KLF8: variants seen among roughly 807,000 people sequenced by gnomAD.
The protein encoded by KLF8 is Krueppel-like factor 8.
In KLF8, 10 loss-of-function variants were observed where a neutral mutation model predicts 18.2. The observed-to-expected ratio is 0.55, with a 90% CI of 0.34 to 0.93. The LOEUF (loss-of-function observed/expected upper bound fraction) is 0.93. KLF8 is among the 40% of genes least tolerant of loss of function. KLF8 has a pLI of 0.02. For missense variants in KLF8, 264 were observed against 277.9 expected, an observed-to-expected ratio of 0.95 and a Z score of 0.36; for synonymous variants, 109 against 97.3, an observed-to-expected ratio of 1.12 and a Z score of -0.71.
chrX:56,168,726 C>A, the KLF8 span, among the ~76,000 whole-genome samples: 1 of 107,019 alleles, frequency 9.3e-6, no homozygotes, highest in Non-Finnish European at 1.9e-5. Context: ...CAATTCCCAC[C>A]TATGAGTGAG....
chrX:55,952,840 G>A, the KLF8 span, among the ~76,000 whole-genome samples: 1 of 111,558 alleles, frequency 9.0e-6, no homozygotes. Flanking sequence ...TTTATTGTGG[G>A]CCAGGCCCTG....
the KLF8 span, among the ~76,000 whole-genome samples, chrX:55,963,918 T>C: frequency 8.9e-6 from 1 of 111,901 alleles, no homozygotes; most frequent in African/African-American, 3.2e-5. Flanking sequence ...AATTATTCCA[T>C]CTACACTTTT....
At chrX:56,103,325 G>T in the KLF8 span, among the ~76,000 whole-genome samples, 1 of 111,428 alleles carries the variant, frequency 9.0e-6, no homozygotes, top group Non-Finnish European at 1.9e-5. Context: ...TCACGATACT[G>T]ATTCTGCCTA....
chrX:56,008,004 A>C, the KLF8 span, among the ~76,000 whole-genome samples: 10 of 110,415 alleles, frequency 9.1e-5, no homozygotes, highest in Non-Finnish European at 1.9e-4. Context: ...AAGATATTTC[A>C]GTGAGCCTAG....
At chrX:56,153,973 A>G in the KLF8 span, among the ~76,000 whole-genome samples, 1 of 111,780 alleles carries the variant, frequency 8.9e-6, no homozygotes, top group African/African-American at 3.3e-5. Context: ...CATGAGTAGG[A>G]AGAATCAATA....
chrX:56,148,347 A>C, the KLF8 span, among the ~76,000 whole-genome samples: 1 of 111,427 alleles, frequency 9.0e-6, no homozygotes, highest in Non-Finnish European at 1.9e-5. Flanking sequence ...GAACTCATTA[A>C]CCAACTCTAC....
At chrX:56,004,907 G>T in the KLF8 span, among the ~76,000 whole-genome samples, 15 of 111,329 alleles carry the variant, frequency 1.3e-4, no homozygotes, top group African/African-American at 4.9e-4. Context: ...GGAGATTTCC[G>T]TGGGAATATA....
chrX:55,936,597 C>T, the KLF8 span, among the ~76,000 whole-genome samples: 1,603 of 112,714 alleles, frequency 0.014, 11 homozygotes, highest in African/African-American at 0.016. Flanking sequence ...ACGCAGGAAA[C>T]GCAAGGGGTC....
intron 2 of KLF8, 45 bp downstream of exon 2, chrX:56,250,349 T>G (rs778572916): frequency 1.1e-6 from 1 of 902,482 alleles, no homozygotes; most frequent in East Asian, 3.1e-5. Context: ...GCCATAATAG[T>G]ATTGAATACC....
At chrX:56,277,065 C>T (rs1231373893) in intron 5 of KLF8, among the ~76,000 whole-genome samples, 2 of 111,681 alleles carry the variant, frequency 1.8e-5, no homozygotes, top group African/African-American at 3.3e-5. Flanking sequence ...TGAATTCCTT[C>T]TCTGTATTAT....
the KLF8 span, among the ~76,000 whole-genome samples, chrX:55,946,825 A>G: frequency 8.9e-6 from 1 of 111,737 alleles, no homozygotes; most frequent in African/African-American, 3.3e-5. Flanking sequence ...AAGTGGGCAA[A>G]GGACATGAAC....
upstream of KLF8, among the ~76,000 whole-genome samples, chrX:56,230,411 A>C (rs1240194087): frequency 2.7e-5 from 3 of 112,112 alleles, no homozygotes; most frequent in Non-Finnish European, 3.8e-5. Flanking sequence ...GAATAAAGTA[A>C]ATTTTTTAAA....
At chrX:56,083,575 T>G in the KLF8 span, among the ~76,000 whole-genome samples, 229 of 112,091 alleles carry the variant, frequency 2.0e-3, no homozygotes, top group African/African-American at 6.8e-3. Flanking sequence ...AATAATTTAT[T>G]TTTGTTAGAC....
the KLF8 span, among the ~76,000 whole-genome samples, chrX:56,060,250 C>G: frequency 8.9e-6 from 1 of 111,819 alleles, no homozygotes; most frequent in Non-Finnish European, 1.9e-5. Context: ...AGAGGGCATC[C>G]TTGTCTTGTA....
At chrX:56,048,474 C>A in the KLF8 span, among the ~76,000 whole-genome samples, 1 of 111,863 alleles carries the variant, frequency 8.9e-6, no homozygotes, top group Non-Finnish European at 1.9e-5. Context: ...CCAGTTTCAG[C>A]TTTCTACATA....
the KLF8 span, among the ~76,000 whole-genome samples, chrX:56,153,739 A>T: frequency 9.0e-6 from 1 of 111,546 alleles, no homozygotes; most frequent in Non-Finnish European, 1.9e-5. Flanking sequence ...AAGTCTCAGG[A>T]TACAAAATCA....
At chrX:56,133,771 G>A in the KLF8 span, among the ~76,000 whole-genome samples, 34 of 111,282 alleles carry the variant, frequency 3.1e-4, no homozygotes, top group Non-Finnish European at 5.3e-4. Flanking sequence ...AAACCCTAAA[G>A]ACTCGTCCAA....
the KLF8 span, among the ~76,000 whole-genome samples, chrX:56,088,548 T>A: frequency 8.9e-6 from 1 of 111,732 alleles, no homozygotes; most frequent in Non-Finnish European, 1.9e-5. Context: ...TTTCAAGTGG[T>A]ATTGTATTTC....
the KLF8 span, among the ~76,000 whole-genome samples, chrX:55,970,259 A>G: frequency 9.0e-6 from 1 of 111,282 alleles, no homozygotes; most frequent in Non-Finnish European, 1.9e-5. Flanking sequence ...AGGGGTCAAG[A>G]CTGTTTTAAC....
Sources: gnomAD v4.1 joint callset for allele counts (sites outside exome capture counted in the v4.1 genomes callset) on GRCh38, gnomAD v4.1.1 for gene constraint, MANE v1.5 for transcripts, NCBI Gene and HGNC (gene_info 2026-07-23, HGNC 2026-07-21) for gene names.